Variants in HTR1E observed in about 807,000 individuals in gnomAD.
HTR1E encodes the protein 5-HT-1E.
A neutral mutation model predicts 3.4 loss-of-function variants in HTR1E; 3 were observed. The observed-to-expected ratio is 0.89, with a 90% CI of 0.41 to 2.31. HTR1E has a LOEUF of 2.31. Among genes scored for constraint, HTR1E ranks in the 30% most tolerant of loss-of-function variants. The pLI, the probability that HTR1E is intolerant of heterozygous loss-of-function variation, is 0.05. For synonymous variants in HTR1E, 170 were observed against 182.8 expected (o/e 0.93, Z 0.56); for missense variants, 392 against 467.0 (o/e 0.84, Z 1.48).
intron 1 of HTR1E, among the ~76,000 whole-genome samples, chr6:86,940,936 C>G (rs1180952096): frequency 1.3e-5 from 2 of 152,176 alleles, no homozygotes; most frequent in Non-Finnish European, 2.9e-5. Flanking sequence ...TCTGCACCTA[C>G]CAGATTTTTA....
Position 86,957,542 on chromosome 6 carries a change from T to A in HTR1E, c.-186+19719T>A, listed in dbSNP as rs1582260037. Among the ~76,000 whole-genome samples the A allele has an allele frequency of 2.6e-5, 4 of 152,304 alleles. No individual in the cohort carries two copies. The East Asian group carries it at 7.7e-4, about 29-fold the overall frequency. On this transcript the variant is annotated intron_variant, in intron 1 of 1. Coordinates refer to ENST00000305344, the MANE Select transcript of HTR1E (RefSeq NM_000865.3). ...TCCCTTACACTGTCATATTTCACCT[T>A]ACCTCTTAACTTTTAAGGGACTGTC...
At chr6:87,008,491 C>T (rs749333246) in intron 1 of HTR1E, among the ~76,000 whole-genome samples, 1 of 151,862 alleles carries the variant, frequency 6.6e-6, no homozygotes, top group African/African-American at 2.4e-5. Flanking sequence ...AAAGAAGAGA[C>T]GAAAGAATAT....
At chr6:86,998,433 T>C (rs1160943741) in intron 1 of HTR1E, among the ~76,000 whole-genome samples, 1 of 152,152 alleles carries the variant, frequency 6.6e-6, no homozygotes, top group East Asian at 1.9e-4. Flanking sequence ...AAAGAATCTA[T>C]AAAATCTCTA....
At chr6:86,992,104 C>T (rs1419282734) in intron 1 of HTR1E, among the ~76,000 whole-genome samples, 3 of 152,126 alleles carry the variant, frequency 2.0e-5, no homozygotes, top group Non-Finnish European at 4.4e-5. Context: ...ACTTACAACC[C>T]TTAGTCTCAT....
chr6:86,946,055 A>G (rs1014432744), intron 1 of HTR1E, among the ~76,000 whole-genome samples: 5 of 152,218 alleles, frequency 3.3e-5, no homozygotes, highest in Admixed American at 2.6e-4. Flanking sequence ...AAAAGTTTAT[A>G]AAGTAAAAAA....
chr6:87,011,674 C>G (rs1355942490), intron 1 of HTR1E, among the ~76,000 whole-genome samples: 1 of 152,092 alleles, frequency 6.6e-6, no homozygotes, highest in Non-Finnish European at 1.5e-5. Context: ...TATTTTTTCC[C>G]TTTCCTTCAG....
At chr6:86,939,029 A>C (rs1441944399) in intron 1 of HTR1E, among the ~76,000 whole-genome samples, 1 of 152,244 alleles carries the variant, frequency 6.6e-6, no homozygotes, top group Non-Finnish European at 1.5e-5. Context: ...GGTCTCCTTC[A>C]TGAGGAGCAT....
intron 1 of HTR1E, among the ~76,000 whole-genome samples, chr6:87,011,665 A>G (rs964369512): frequency 2.6e-5 from 4 of 151,992 alleles, no homozygotes; most frequent in Admixed American, 2.0e-4. Flanking sequence ...GCTATTTTCT[A>G]TTTTTTCCCT....
chr6:86,955,667 C>A (rs1417596576), intron 1 of HTR1E, among the ~76,000 whole-genome samples: 1 of 152,094 alleles, frequency 6.6e-6, no homozygotes, highest in East Asian at 1.9e-4. Context: ...AGTGTTCAAT[C>A]TCAAATGTAA....
intron 1 of HTR1E, among the ~76,000 whole-genome samples, chr6:86,946,576 A>T (rs1440660988): frequency 6.6e-6 from 1 of 152,216 alleles, no homozygotes; most frequent in African/African-American, 2.4e-5. Context: ...AAAAAATGAG[A>T]TGATGGTCAT....
chr6:86,971,420 T>C (rs1380351382), intron 1 of HTR1E, among the ~76,000 whole-genome samples: 2 of 152,180 alleles, frequency 1.3e-5, no homozygotes, highest in Non-Finnish European at 2.9e-5. Context: ...GCATCATGGA[T>C]ATGAGCAATT....
intron 1 of HTR1E, among the ~76,000 whole-genome samples, chr6:86,989,157 T>A (rs1386547006): frequency 1.3e-5 from 2 of 152,134 alleles, no homozygotes; most frequent in Non-Finnish European, 2.9e-5. Flanking sequence ...ATCCTCCAGG[T>A]TACTGTCCCT....
At chr6:86,965,591 C>A (rs1767461597) in intron 1 of HTR1E, among the ~76,000 whole-genome samples, 3 of 152,138 alleles carry the variant, frequency 2.0e-5, no homozygotes, top group Non-Finnish European at 4.4e-5. Flanking sequence ...TTGCAGGCTT[C>A]TTGCAGGCCT....
chr6:86,969,270 C>T (rs1249043222), intron 1 of HTR1E, among the ~76,000 whole-genome samples: 1 of 151,976 alleles, frequency 6.6e-6, no homozygotes, highest in Non-Finnish European at 1.5e-5. Flanking sequence ...ATTAAGAGAG[C>T]AAATAGGAAC....
At chr6:86,949,427 C>A (rs768716632) in intron 1 of HTR1E, among the ~76,000 whole-genome samples, 5 of 152,176 alleles carry the variant, frequency 3.3e-5, no homozygotes, top group Non-Finnish European at 7.3e-5. Context: ...ACCTATTTCA[C>A]TCATGCAGAG....
At chr6:86,972,492 A>G (rs1001409598) in intron 1 of HTR1E, among the ~76,000 whole-genome samples, 3 of 152,192 alleles carry the variant, frequency 2.0e-5, no homozygotes, top group African/African-American at 7.2e-5. Flanking sequence ...GTTGTATGAA[A>G]AGCCTTGAAA....
chr6:86,991,776 C>A (rs1383197148), intron 1 of HTR1E, among the ~76,000 whole-genome samples: 2 of 152,132 alleles, frequency 1.3e-5, no homozygotes, highest in Non-Finnish European at 2.9e-5. Flanking sequence ...CCAGATTTCA[C>A]AGAAACACAA....
chr6:87,008,464 G>A lies in HTR1E; in HGVS notation c.-185-6686G>A, dbSNP rs570332218. ...CTTTAAATAATTGGAAGTAATTTGG[G>A]CAAAATGAGAACAATCAAAGAAGAG... On this transcript the variant is annotated intron_variant, in intron 1 of 1. Transcript: ENST00000305344. Among the ~76,000 whole-genome samples, 5 of 152,268 alleles carry A rather than the reference G, an allele frequency of 3.3e-5. No homozygotes were observed. In the South Asian group the frequency reaches 1.0e-3, roughly 32 times the overall value.
At chr6:86,980,927 C>G (rs779950605) in intron 1 of HTR1E, among the ~76,000 whole-genome samples, 13 of 152,128 alleles carry the variant, frequency 8.5e-5, no homozygotes, top group East Asian at 1.9e-4. Context: ...GATCAATTGA[C>G]AGTCCGTGTG....
Sources: allele counts gnomAD v4.1 joint callset (sites outside exome capture counted in the v4.1 genomes callset), GRCh38; gene constraint gnomAD v4.1.1; transcripts MANE v1.5; gene names NCBI Gene and HGNC (gene_info 2026-07-23, HGNC 2026-07-21).